The following MAP3K20 variants were observed in gnomAD, a reference collection of about 807,000 sequenced individuals.
MAP3K20 encodes mitogen-activated protein kinase kinase kinase 20, also known as HCCS-4.
A neutral mutation model predicts 85.7 loss-of-function variants in MAP3K20; 40 were observed. The observed-to-expected ratio is 0.47, with a 90% confidence interval of 0.36 to 0.61. The LOEUF (loss-of-function observed/expected upper bound fraction) is 0.61, where lower values mean the gene tolerates loss of function less well. Ranked by LOEUF, MAP3K20 falls within the 20% of genes least tolerant of loss-of-function variation. The probability of loss-of-function intolerance (pLI) is 0.00; values close to 1 mark genes in which losing one functional copy is unlikely to be tolerated. For missense variants in MAP3K20, 817 were observed against 961.7 expected (o/e 0.85, Z 1.99); for synonymous variants, 325 against 327.7 (o/e 0.99, Z 0.09).
chr2:173,123,772 C>T (rs1368312326), intron 2 of MAP3K20, among the ~76,000 whole-genome samples: 2 of 138,738 alleles, frequency 1.4e-5, no homozygotes, highest in African/African-American at 4.9e-5. Context: ...GCAACACACC[C>T]AGTACATTTT....
intron 11 of MAP3K20, 146 bp from the exon 12 acceptor site, chr2:173,229,543 A>G: frequency 1.1e-6 from 1 of 927,700 alleles, no homozygotes; most frequent in Non-Finnish European, 1.6e-6. Flanking sequence ...TAAGGTCAGG[A>G]AAACTGTTTT....
At chr2:173,080,468 G>A (rs1048342250) in intron 1 of MAP3K20, among the ~76,000 whole-genome samples, 58 of 152,278 alleles carry the variant, frequency 3.8e-4, no homozygotes, top group African/African-American at 1.3e-3. Context: ...TCTGGCATCT[G>A]GCGAGAATCA....
intron 5 of MAP3K20, among the ~76,000 whole-genome samples, chr2:173,190,089 A>AT (rs1364037097): frequency 6.6e-6 from 1 of 151,880 alleles, no homozygotes; most frequent in East Asian, 1.9e-4. Flanking sequence ...ATTGCCATAC[A>AT]TTTTTTGTCT....
chr2:173,154,969 A>G (rs754336697), intron 2 of MAP3K20, among the ~76,000 whole-genome samples: 7 of 152,228 alleles, frequency 4.6e-5, no homozygotes, highest in Non-Finnish European at 7.3e-5. Flanking sequence ...TTTGGTGTTC[A>G]GGAAAGTAGT....
intron 14 of MAP3K20, among the ~76,000 whole-genome samples, chr2:173,232,811 A>G (rs1367890545): frequency 1.3e-5 from 2 of 152,158 alleles, no homozygotes; most frequent in Non-Finnish European, 2.9e-5. Context: ...GCCTCCATCA[A>G]CAAATCTTTA....
intron 16 of MAP3K20, among the ~76,000 whole-genome samples, chr2:173,240,964 A>T (rs1364845839): frequency 1.3e-5 from 2 of 152,196 alleles, no homozygotes; most frequent in Admixed American, 1.3e-4. Context: ...ATTTGCAACA[A>T]TATGGATGGA....
intron 2 of MAP3K20, among the ~76,000 whole-genome samples, chr2:173,111,466 G>A (rs1262845953): frequency 1.3e-5 from 2 of 152,142 alleles, no homozygotes; most frequent in African/African-American, 4.8e-5. Context: ...TATTGCATTT[G>A]CTTTTGGGTT....
In MAP3K20 at chr2:173,224,093, A is replaced by C. The variant is rs969926384; in HGVS notation, c.988-5596A>C. ...CAGTGAGTGAAGATCGATGATAAAT[A>C]AAGCAAATGCATCATATGTTCACAT... On this transcript the variant is annotated intron_variant, in intron 11 of 19. Transcript: ENST00000375213. 5.7e-6 allele frequency: 5 copies of C among 878,088 alleles called. No homozygotes were observed. In the African/African-American group the frequency reaches 9.1e-5, roughly 16 times the overall value. 54.4% of individuals were successfully genotyped at this position (878,088 alleles called of 1,614,324 possible).
At chr2:173,103,008 G>A (rs867597901) in intron 2 of MAP3K20, among the ~76,000 whole-genome samples, 4 of 151,754 alleles carry the variant, frequency 2.6e-5, no homozygotes, top group Non-Finnish European at 4.4e-5. Context: ...AGCCGAGATC[G>A]CACCATTGCA....
chr2:173,142,730 CAG>C (rs766829755), intron 2 of MAP3K20, among the ~76,000 whole-genome samples: 33 of 151,972 alleles, frequency 2.2e-4, no homozygotes, highest in South Asian at 4.2e-4. Context: ...AAAGGAAAAA[CAG>C]GGGAACAAAA....
chr2:173,214,922 C>A (rs1684024850), intron 10 of MAP3K20, among the ~76,000 whole-genome samples: 1 of 152,176 alleles, frequency 6.6e-6, no homozygotes, highest in Non-Finnish European at 1.5e-5. Flanking sequence ...GGCATATAAC[C>A]TCACACACGA....
At chr2:173,222,852 C>T in intron 11 of MAP3K20, 1 of 985,342 alleles carries the variant, frequency 1.0e-6, no homozygotes, top group Non-Finnish European at 1.2e-6. Flanking sequence ...AATGTTATCA[C>T]CTGTTTGTCA....
At chr2:173,210,703 C>A (rs1489101741) in intron 10 of MAP3K20, 1 of 151,826 alleles carries the variant, frequency 6.6e-6, no homozygotes, top group Non-Finnish European at 1.5e-5. Context: ...TGACATTATT[C>A]CCCCCCTGAC....
At chr2:173,108,058 TA>T (rs1161872633) in intron 2 of MAP3K20, among the ~76,000 whole-genome samples, 6 of 152,318 alleles carry the variant, frequency 3.9e-5, no homozygotes, top group African/African-American at 1.4e-4. Context: ...TCATCCTTTT[TA>T]AAAAAATTTT....
intron 11 of MAP3K20, among the ~76,000 whole-genome samples, chr2:173,219,393 T>C (rs1316656456): frequency 6.6e-6 from 1 of 152,214 alleles, no homozygotes; most frequent in East Asian, 1.9e-4. Context: ...GGATGTTTAT[T>C]TTCTAATTAT....
intron 1 of MAP3K20, among the ~76,000 whole-genome samples, chr2:173,082,791 A>G (rs142862904): frequency 0.02 from 3,059 of 152,362 alleles, 54 homozygotes; most frequent in Admixed American, 0.041. Flanking sequence ...AAGCCCACGC[A>G]GCGGCCTATG....
chr2:173,076,095 T>C (rs1686846863), intron 1 of MAP3K20, 93 bp downstream of exon 1: 3 of 903,348 alleles, frequency 3.3e-6, no homozygotes, highest in Non-Finnish European at 4.0e-6. Flanking sequence ...GGGCCGAGGC[T>C]CCGCCGGAGC....
intron 14 of MAP3K20, among the ~76,000 whole-genome samples, chr2:173,236,254 T>G (rs1574144737): frequency 4.0e-5 from 4 of 100,256 alleles, no homozygotes; most frequent in East Asian, 2.9e-4. Flanking sequence ...GGCAATAGAG[T>G]GAGACCCTGT....
intron 2 of MAP3K20, among the ~76,000 whole-genome samples, chr2:173,123,420 T>G (rs751254365): frequency 3.3e-5 from 5 of 152,180 alleles, no homozygotes; most frequent in African/African-American, 4.8e-5. Context: ...TCCTTCTGGG[T>G]GATGCTGTGT....
Sources: allele counts gnomAD v4.1 joint callset (sites outside exome capture counted in the v4.1 genomes callset), GRCh38; gene constraint gnomAD v4.1.1; transcripts MANE v1.5; gene names NCBI Gene and HGNC (gene_info 2026-07-23, HGNC 2026-07-21).